Variants in TMEM132B observed in about 807,000 individuals in gnomAD.
The protein encoded by TMEM132B is transmembrane protein 132B.
Under a neutral mutation model 90.8 loss-of-function variants are expected in TMEM132B, and 18 were observed. The observed-to-expected ratio is 0.20, with a 90% CI of 0.14 to 0.29. The LOEUF (loss-of-function observed/expected upper bound fraction) is 0.29. Ranked by LOEUF, TMEM132B falls within the 10% of genes least tolerant of loss-of-function variation. The pLI, the probability that TMEM132B is intolerant of heterozygous loss-of-function variation, is 1.00. For synonymous variants in TMEM132B, 504 were observed against 523.3 expected (o/e 0.96, Z 0.50); for missense variants, 1,096 against 1,326.8 (o/e 0.83, Z 2.70).
chr12:125,471,830 C>G (rs11058190), intron 3 of TMEM132B, among the ~76,000 whole-genome samples: 4,645 of 152,290 alleles, frequency 0.031, 118 homozygotes, highest in Non-Finnish European at 0.044. Context: ...CCCCTTGTCA[C>G]TGATGGGAAG....
At chr12:125,454,935 C>T (rs1305976798) in intron 3 of TMEM132B, among the ~76,000 whole-genome samples, 1 of 152,208 alleles carries the variant, frequency 6.6e-6, no homozygotes, top group Non-Finnish European at 1.5e-5. Flanking sequence ...AAAATTCCTG[C>T]ACTGAATTGG....
chr12:125,228,271 C>G (rs1593048247), intron 1 of TMEM132B, among the ~76,000 whole-genome samples: 1 of 152,186 alleles, frequency 6.6e-6, no homozygotes, highest in African/African-American at 2.4e-5. Context: ...TGGCCTCTGG[C>G]TCTTCACCCC....
intron 1 of TMEM132B, among the ~76,000 whole-genome samples, chr12:125,309,986 A>G (rs949996488): frequency 2.0e-5 from 3 of 152,080 alleles, no homozygotes; most frequent in African/African-American, 7.2e-5. Flanking sequence ...TGTGGCTGGA[A>G]CACCTCCATG....
At chr12:125,465,274 G>C (rs537337848) in intron 3 of TMEM132B, among the ~76,000 whole-genome samples, 1 of 152,120 alleles carries the variant, frequency 6.6e-6, no homozygotes, top group East Asian at 1.9e-4. Context: ...GGAAATTAAG[G>C]CTGTAATTTG....
chr12:125,254,641 C>T (rs1012539521), intron 1 of TMEM132B, among the ~76,000 whole-genome samples: 4 of 150,858 alleles, frequency 2.7e-5, no homozygotes, highest in Non-Finnish European at 5.9e-5. Flanking sequence ...GCAAGGTCCT[C>T]TCTCCTGGGA....
chr12:125,304,447 C>T (rs1470094671), intron 1 of TMEM132B, among the ~76,000 whole-genome samples: 1 of 151,452 alleles, frequency 6.6e-6, no homozygotes, highest in Non-Finnish European at 1.5e-5. Context: ...GAAGATTTGT[C>T]CTTCATGGAT....
intron 4 of TMEM132B, among the ~76,000 whole-genome samples, chr12:125,529,020 CCCTCCTTCTTCCTCCCT>C (rs1883573254): frequency 7.0e-6 from 1 of 143,662 alleles, no homozygotes; most frequent in South Asian, 2.3e-4. Context: ...CCTTTCTTCC[CCCTCCTTCTTCCTCCCT>C]CCTCCTTCTT....
At chr12:125,267,533 C>T (rs980522550) in intron 1 of TMEM132B, among the ~76,000 whole-genome samples, 1 of 152,158 alleles carries the variant, frequency 6.6e-6, no homozygotes, top group Non-Finnish European at 1.5e-5. Context: ...CTGTCACATC[C>T]TCTCTCTTTT....
Position 125,600,434 on chromosome 12 carries a change from A to G in TMEM132B, c.1437+16440A>G, listed in dbSNP as rs576179223. Among the ~76,000 whole-genome samples, 76 of 152,242 alleles carry G rather than the reference A, an allele frequency of 5.0e-4. 2 individuals carry two copies. The highest frequency in any genetic ancestry group is 1.2e-4 in the Non-Finnish European group (8 of 68,024). On this transcript the variant is annotated intron_variant, in intron 5 of 8. Transcript: ENST00000682704. ...TGTGTTTATTTATTGACTTGTTTAC[A>G]TGTTGCTCCGTTTGCTTGTCAACTT...
At chr12:125,346,867 C>T (rs1877384586) in intron 1 of TMEM132B, among the ~76,000 whole-genome samples, 1 of 152,210 alleles carries the variant, frequency 6.6e-6, no homozygotes, top group African/African-American at 2.4e-5. Flanking sequence ...ATTGTGTTTT[C>T]TCTTGACACT....
chr12:125,660,240 A>G lies in TMEM132B; in HGVS notation c.*5530A>G, dbSNP rs920802483. On this transcript the variant is annotated 3_prime_UTR_variant, in exon 9 of 9. Coordinates refer to ENST00000682704, the MANE Select transcript of TMEM132B (RefSeq NM_001366854.1). ...CTCTGGCCTGGGCAACAAGAGCGAGACTTTGTCTCAAACAGAAACAAAACA... is the reference window on the plus strand; with the variant it reads ...CTCTGGCCTGGGCAACAAGAGCGAGGCTTTGTCTCAAACAGAAACAAAACA... 6.6e-6 allele frequency: 1 copy of G among 152,246 alleles called. No homozygotes were observed. The highest frequency in any genetic ancestry group is 2.4e-5 in the African/African-American group (1 of 41,454). The allele number at this position is 152,246 out of a possible 1,614,324, so 9.4% of individuals were successfully genotyped here. A position where few individuals can be genotyped will look rare whatever the true frequency, so the allele number is the denominator to read the frequency against.
chr12:125,229,308 GA>G (rs1873760832), intron 1 of TMEM132B, among the ~76,000 whole-genome samples: 1 of 152,172 alleles, frequency 6.6e-6, no homozygotes, highest in African/African-American at 2.4e-5. Flanking sequence ...ACTTGCTTTT[GA>G]ACTCTCGGCA....
chr12:125,523,002 G>A (rs1227931735), intron 4 of TMEM132B, among the ~76,000 whole-genome samples: 2 of 152,190 alleles, frequency 1.3e-5, no homozygotes, highest in Non-Finnish European at 2.9e-5. Flanking sequence ...TCCCTGATGA[G>A]AGGAGCCATG....
At chr12:125,625,509 T>C (rs1156451626) in intron 5 of TMEM132B, among the ~76,000 whole-genome samples, 1 of 152,190 alleles carries the variant, frequency 6.6e-6, no homozygotes, top group African/African-American at 2.4e-5. Context: ...GGGTTTCTTT[T>C]TATTGCTGTG....
At chr12:125,537,370 C>T (rs758718003) in intron 4 of TMEM132B, among the ~76,000 whole-genome samples, 7 of 152,216 alleles carry the variant, frequency 4.6e-5, no homozygotes, top group East Asian at 1.9e-4. Flanking sequence ...CAAATGCTTT[C>T]GAAGACTCCA....
intron 1 of TMEM132B, among the ~76,000 whole-genome samples, chr12:125,195,947 A>C (rs986788559): frequency 6.6e-6 from 1 of 152,208 alleles, no homozygotes; most frequent in Non-Finnish European, 1.5e-5. Flanking sequence ...AGGCCAGGGC[A>C]GTGAAAGTTC....
chr12:125,584,952 C>A (rs1198857685), intron 5 of TMEM132B: 1 of 152,186 alleles, frequency 6.6e-6, no homozygotes, highest in Admixed American at 6.5e-5. Context: ...TGCCCTTCCT[C>A]ACATTCTACA....
chr12:125,499,570 G>A (rs1389134260), intron 3 of TMEM132B, among the ~76,000 whole-genome samples: 3 of 152,144 alleles, frequency 2.0e-5, no homozygotes, highest in Middle Eastern at 3.2e-3. Flanking sequence ...GGAATGGAAT[G>A]CGACCCTTAT....
At position 125,350,117 on chromosome 12, in the gene TMEM132B, A is replaced by G. The variant is rs773216911; in HGVS notation, c.733A>G (p.Asn245Asp). The part of the protein sequence containing the change: ...CPLEEEGKWE[N>D]NIHSGLESPQ... ...TCTGGAGGAGGAAGGCAAGTGGGAG[A>G]ACAATATCCACTCGGGCCTGGAGAG... is the stretch of plus-strand genomic sequence containing the variant. Residue 245 changes from asparagine (N) to aspartate (D), a missense_variant, in exon 2 of 9, where the codon AAC becomes GAC. By Grantham distance (23) the Asn-to-Asp change is conservative. Coordinates refer to ENST00000682704, the MANE Select transcript of TMEM132B (RefSeq NM_001366854.1). 3 of 1,614,188 alleles carry G rather than the reference A, an allele frequency of 1.9e-6. No homozygotes were observed. The Admixed American group carries it at 5.0e-5, about 27-fold the overall frequency.
Sources: allele counts gnomAD v4.1 joint callset (sites outside exome capture counted in the v4.1 genomes callset), GRCh38; gene constraint gnomAD v4.1.1; transcripts MANE v1.5; gene names NCBI Gene and HGNC (gene_info 2026-07-23, HGNC 2026-07-21).